The following C6 variants were observed in gnomAD, a reference collection of about 807,000 sequenced individuals.
The protein encoded by C6 is complement C6.
Under a neutral mutation model 112.9 loss-of-function variants are expected in C6, and 101 were observed. That is an observed-to-expected ratio of 0.89 (90% confidence interval 0.76 to 1.06). The LOEUF is 1.06. C6 is among the 50% of genes least tolerant of loss of function. The probability of loss-of-function intolerance (pLI) is 0.00; values close to 1 mark genes in which losing one functional copy is unlikely to be tolerated. For missense variants in C6, 1,202 were observed against 1,104.6 expected (o/e 1.09, Z -1.25); for synonymous variants, 431 against 384.1 (o/e 1.12, Z -1.43).
chr5:41,235,367 G>A (rs1400553677), intron 1 of C6, among the ~76,000 whole-genome samples: 2,737 of 143,994 alleles, frequency 0.019, 92 homozygotes, highest in African/African-American at 0.068. Flanking sequence ...GAGAATGATG[G>A]TTTCCAATTT....
chr5:41,240,523 G>A (rs1397315461), intron 1 of C6, among the ~76,000 whole-genome samples: 1 of 152,196 alleles, frequency 6.6e-6, no homozygotes, highest in African/African-American at 2.4e-5. Flanking sequence ...ATTAATGGTG[G>A]CTGTGATGGG....
intron 1 of C6, among the ~76,000 whole-genome samples, chr5:41,254,334 A>G (rs968227514): frequency 3.0e-4 from 46 of 152,300 alleles, no homozygotes; most frequent in African/African-American, 1.1e-3. Context: ...TGAACCCAGG[A>G]GGTGGAGCTT....
chr5:41,172,214 A>G lies in C6; in HGVS notation c.1291+11T>C. Reference sequence around the variant, plus strand: ...CACACTGGATAAGCTGCTAAGAGAGAGTACTGTTACCTTCATGTTTCTCTG... The same window carrying G: ...CACACTGGATAAGCTGCTAAGAGAGGGTACTGTTACCTTCATGTTTCTCTG... On this transcript the variant is annotated intron_variant, in intron 9 of 17. Transcript: ENST00000337836. The G allele has an allele frequency of 6.2e-7, 1 of 1,613,522 alleles. No homozygotes were observed.
At chr5:41,209,594 T>A (rs1375336648) in intron 1 of C6, among the ~76,000 whole-genome samples, 2 of 152,062 alleles carry the variant, frequency 1.3e-5, no homozygotes, top group African/African-American at 4.8e-5. Context: ...GAGAGCCAAA[T>A]CATGGTAAAC....
At chr5:41,209,399 G>T (rs965111181) in intron 1 of C6, among the ~76,000 whole-genome samples, 1 of 152,008 alleles carries the variant, frequency 6.6e-6, no homozygotes, top group East Asian at 1.9e-4. Context: ...AGAAATAAAG[G>T]GTATTCAATT....
intron 1 of C6, among the ~76,000 whole-genome samples, chr5:41,204,605 T>C (rs187649266): frequency 4.3e-4 from 66 of 152,158 alleles, no homozygotes; most frequent in Admixed American, 3.9e-3. Context: ...ATATAAAAAT[T>C]GTTTTTTCAG....
At chr5:41,202,852 A>T (rs1751137908) in intron 2 of C6, among the ~76,000 whole-genome samples, 1 of 152,238 alleles carries the variant, frequency 6.6e-6, no homozygotes, top group South Asian at 2.1e-4. Flanking sequence ...ATTCAACTGA[A>T]AGTGTTGCAC....
chr5:41,221,564 G>A (rs1001889684), intron 1 of C6, among the ~76,000 whole-genome samples: 1 of 152,120 alleles, frequency 6.6e-6, no homozygotes, highest in Non-Finnish European at 1.5e-5. Flanking sequence ...TTAATAGATT[G>A]CTAGAAATGG....
intron 1 of C6, 105 bp downstream of exon 1, chr5:41,213,270 AT>A (rs1752057165): frequency 9.9e-6 from 3 of 304,082 alleles, no homozygotes; most frequent in African/African-American, 4.5e-5. Flanking sequence ...AGAAATGGTT[AT>A]AGTCTGAGTT....
intron 1 of C6, among the ~76,000 whole-genome samples, chr5:41,250,400 T>C (rs1741277467): frequency 6.6e-6 from 1 of 152,198 alleles, no homozygotes; most frequent in Admixed American, 6.5e-5. Context: ...GAATTAATGA[T>C]TCCACTCCAC....
chr5:41,161,826 G>T lies in C6; in HGVS notation c.1325C>A (p.Ser442Tyr), dbSNP rs1055176070. 2 of 1,613,470 alleles carry T rather than the reference G, an allele frequency of 1.2e-6. No individual in the cohort carries two copies. Among genetic ancestry groups the T allele is most frequent in the South Asian group, 1.1e-5 (1 of 91,084 alleles). Residue 442 changes from serine (S) to tyrosine (Y), a missense_variant, in exon 10 of 18, where the codon TCC (serine) becomes TAC (tyrosine). By Grantham distance (144) the Ser-to-Tyr change is moderately radical. Transcript: ENST00000337836. The part of the protein sequence containing the change: ...SFIQGAEKSI[S>Y]LIRGGRSEYG... ...TTCACTCCTTCCACCTCGAATCAGG[G>T]ATATGGATTTCTCTGCTCCCTGTAT...
intron 9 of C6, among the ~76,000 whole-genome samples, chr5:41,169,546 G>A (rs1244362235): frequency 6.6e-6 from 1 of 152,058 alleles, no homozygotes; most frequent in African/African-American, 2.4e-5. Context: ...CCTGAGACTG[G>A]GTAATTTATA....
chr5:41,206,743 C>T (rs572975552), intron 1 of C6, among the ~76,000 whole-genome samples: 39 of 152,298 alleles, frequency 2.6e-4, no homozygotes, highest in African/African-American at 8.2e-4. Flanking sequence ...ACCAAATCTA[C>T]GTCTGATTGG....
upstream of C6, among the ~76,000 whole-genome samples, chr5:41,216,637 T>C (rs1025298985): frequency 1.3e-5 from 2 of 152,138 alleles, no homozygotes; most frequent in African/African-American, 4.8e-5. Flanking sequence ...TTTTATCTTT[T>C]ATTTAGCTTT....
chr5:41,182,032 G>A (rs1749393532), intron 6 of C6, among the ~76,000 whole-genome samples: 1 of 152,038 alleles, frequency 6.6e-6, no homozygotes, highest in South Asian at 2.1e-4. Flanking sequence ...GTCTGACTTC[G>A]GGATCACAGT....
upstream of C6, among the ~76,000 whole-genome samples, chr5:41,214,453 G>A (rs1008965851): frequency 6.6e-6 from 1 of 152,120 alleles, no homozygotes; most frequent in South Asian, 2.1e-4. Context: ...CTTTCCCAAG[G>A]CCAGAGTAAG....
Position 41,142,942 on chromosome 5 carries a change from G to A in C6, c.2688C>T (p.Tyr896=), listed in dbSNP as rs775827218. 1.2e-6 allele frequency: 2 copies of A among 1,613,524 alleles called. No homozygotes were observed. The highest frequency in any genetic ancestry group is 1.7e-6 in the Non-Finnish European group (2 of 1,179,696). ...TTGTTGATGATCCCATTTTGACACA[G>A]TAGAGTTGGTTTCCACCCTTGAAGC... ...PQCFKGGNQL[Y]CVKMGSSTSE... is the part of the protein sequence containing the mutation. The change falls in exon 18 of 18, where the codon TAC becomes TAT. Residue 896 remains tyrosine, a synonymous_variant. Transcript: ENST00000337836.
Position 41,187,440 on chromosome 5 carries a change from G to A in C6, c.588-1232C>T, listed in dbSNP as rs760124659. Among the ~76,000 whole-genome samples, 10 of 152,110 alleles carry A rather than the reference G, an allele frequency of 6.6e-5. 1 individual carries two copies. The highest frequency in any genetic ancestry group is 1.0e-4 in the Non-Finnish European group (7 of 68,006). On this transcript the variant is annotated intron_variant, in intron 5 of 17. Transcript: ENST00000337836. ...AAAAGACAAATAGACTCATTCATTT[G>A]TGAGGGAATCAAGAAGCAGTTCACT...
intron 1 of C6, among the ~76,000 whole-genome samples, chr5:41,205,680 C>A (rs7714388): frequency 6.6e-6 from 1 of 152,172 alleles, no homozygotes; most frequent in Non-Finnish European, 1.5e-5. Flanking sequence ...GGAGGGGTGC[C>A]CGCCTTTGCT....
Sources: allele counts gnomAD v4.1 joint callset (sites outside exome capture counted in the v4.1 genomes callset), GRCh38; gene constraint gnomAD v4.1.1; transcripts MANE v1.5; gene names NCBI Gene and HGNC (gene_info 2026-07-23, HGNC 2026-07-21).